Variants in STXBP5L observed in about 807,000 individuals in gnomAD.
STXBP5L encodes the protein syntaxin binding protein 5L, also known as syntaxin-binding protein 5-like.
STXBP5L carries 65 observed loss-of-function variants against 144.5 expected under a neutral mutation model. The observed-to-expected ratio is 0.45, with a 90% CI of 0.37 to 0.55. The LOEUF (loss-of-function observed/expected upper bound fraction) is 0.55. Among genes scored for constraint, STXBP5L ranks in the 20% least tolerant of loss-of-function variants. The pLI, the probability that STXBP5L is intolerant of heterozygous loss-of-function variation, is 0.00. For synonymous variants in STXBP5L, 505 were observed against 469.6 expected (o/e 1.08, Z -0.97); for missense variants, 1,298 against 1,405.5 (o/e 0.92, Z 1.22).
At chr3:120,943,520 A>G (rs1710677177) in intron 2 of STXBP5L, among the ~76,000 whole-genome samples, 1 of 151,784 alleles carries the variant, frequency 6.6e-6, no homozygotes, top group South Asian at 2.1e-4. Context: ...TAGTATCTAT[A>G]CTTACATTTG....
Position 121,257,313 on chromosome 3 carries a change from G to A in STXBP5L, c.1812G>A (p.Lys604=), listed in dbSNP as rs1302949321. ...TNTVASEGVT[K]DSIPCLNVKT... ...CTGTTGCTAGTGAAGGAGTAACAAA[G>A]GACAGTATTCCATGCCTCAAGTAAG... The change falls in exon 17 of 27, where the codon AAG becomes AAA. Residue 604 remains lysine, a synonymous_variant. Transcript: ENST00000471454. The A allele has an allele frequency of 1.9e-6, 3 of 1,612,180 alleles. No individual in the cohort carries two copies. Among genetic ancestry groups the A allele is most frequent in the Admixed American group, 1.7e-5 (1 of 59,864 alleles).
At chr3:120,998,598 G>T (rs1943536559) in intron 3 of STXBP5L, among the ~76,000 whole-genome samples, 1 of 151,904 alleles carries the variant, frequency 6.6e-6, no homozygotes, top group Non-Finnish European at 1.5e-5. Flanking sequence ...TGTTCTTATT[G>T]TTCAACTCCT....
chr3:121,401,168 G>C (rs2046864278), intron 22 of STXBP5L, among the ~76,000 whole-genome samples: 1 of 152,130 alleles, frequency 6.6e-6, no homozygotes, highest in East Asian at 1.9e-4. Context: ...GGCAGTATAT[G>C]CATTGCTCTG....
intron 3 of STXBP5L, among the ~76,000 whole-genome samples, chr3:121,029,533 A>C (rs1325756119): frequency 6.6e-6 from 1 of 152,206 alleles, no homozygotes; most frequent in African/African-American, 2.4e-5. Flanking sequence ...AATTAATGCA[A>C]GATGGATTAA....
chr3:121,307,851 A>G (rs2043391287), intron 19 of STXBP5L, among the ~76,000 whole-genome samples: 1 of 152,216 alleles, frequency 6.6e-6, no homozygotes, highest in Non-Finnish European at 1.5e-5. Context: ...AGATAAATGG[A>G]AAAATATCTA....
chr3:121,064,854 A>G (rs2041467852), intron 5 of STXBP5L, among the ~76,000 whole-genome samples: 1 of 152,170 alleles, frequency 6.6e-6, no homozygotes, highest in African/African-American at 2.4e-5. Context: ...TGGTGAGCAT[A>G]GTACCAAATA....
At chr3:121,049,977 T>G (rs1947835435) in intron 5 of STXBP5L, among the ~76,000 whole-genome samples, 1 of 152,144 alleles carries the variant, frequency 6.6e-6, no homozygotes, top group East Asian at 1.9e-4. Flanking sequence ...GACAGAAGTG[T>G]GAATCCCTGG....
intron 24 of STXBP5L, among the ~76,000 whole-genome samples, chr3:121,414,970 T>C (rs892654404): frequency 6.6e-6 from 1 of 152,178 alleles, no homozygotes; most frequent in African/African-American, 2.4e-5. Flanking sequence ...GAATTAGTCA[T>C]TTCTCGGTTT....
chr3:120,998,152 A>T (rs1379364222), intron 3 of STXBP5L, among the ~76,000 whole-genome samples: 1 of 152,180 alleles, frequency 6.6e-6, no homozygotes. Context: ...AGCTGTAATT[A>T]TTCCCCTTGA....
At chr3:120,969,593 G>T (rs1349956507) in intron 3 of STXBP5L, among the ~76,000 whole-genome samples, 1 of 151,678 alleles carries the variant, frequency 6.6e-6, no homozygotes. Flanking sequence ...TTTGCTTTTG[G>T]AGTCTTAGGC....
At chr3:121,070,150 T>G (rs1452178197) in intron 5 of STXBP5L, among the ~76,000 whole-genome samples, 3 of 152,268 alleles carry the variant, frequency 2.0e-5, no homozygotes, top group African/African-American at 7.2e-5. Flanking sequence ...TCCAGAATTC[T>G]GAGCCCTGAA....
At chr3:121,060,846 A>G (rs1022914421) in intron 5 of STXBP5L, among the ~76,000 whole-genome samples, 2 of 151,958 alleles carry the variant, frequency 1.3e-5, no homozygotes, top group Non-Finnish European at 2.9e-5. Flanking sequence ...TACTGCATCT[A>G]TTTGATTCTT....
At chr3:121,076,394 G>GT (rs1560096712) in intron 5 of STXBP5L, among the ~76,000 whole-genome samples, 2 of 152,094 alleles carry the variant, frequency 1.3e-5, no homozygotes, top group East Asian at 1.9e-4. Context: ...CTGTAAGATG[G>GT]TTTTTTTCTG....
chr3:120,933,568 GAC>G (rs1193768966), intron 2 of STXBP5L, among the ~76,000 whole-genome samples: 2 of 152,136 alleles, frequency 1.3e-5, no homozygotes, highest in African/African-American at 4.8e-5. Context: ...AAGATAGCCA[GAC>G]TGTTGAATTA....
chr3:121,257,326 T>C lies in STXBP5L; in HGVS notation c.1825T>C (p.Cys609Arg). 2 of 1,607,398 alleles carry C rather than the reference T, an allele frequency of 1.2e-6. No individual in the cohort carries two copies. The highest frequency in any genetic ancestry group is 1.7e-6 in the Non-Finnish European group (2 of 1,176,696). Reference protein sequence around the residue: ...SEGVTKDSIPCLNVKTRPVRM... With the variant: ...SEGVTKDSIPRLNVKTRPVRM... Reference sequence around the variant, plus strand: ...AGGAGTAACAAAGGACAGTATTCCATGCCTCAAGTAAGAGTTTCTACCAAA... The same window carrying C: ...AGGAGTAACAAAGGACAGTATTCCACGCCTCAAGTAAGAGTTTCTACCAAA... The change falls in exon 17 of 27, where the codon TGC becomes CGC. Residue 609 changes from cysteine (C) to arginine (R), a missense_variant. Transcript: ENST00000471454.
At chr3:120,979,954 T>A (rs185534746) in intron 3 of STXBP5L, among the ~76,000 whole-genome samples, 1 of 152,350 alleles carries the variant, frequency 6.6e-6, no homozygotes, top group East Asian at 1.9e-4. Context: ...AAAATTTAAA[T>A]TCCTAGCCTA....
intron 5 of STXBP5L, among the ~76,000 whole-genome samples, chr3:121,058,383 C>T (rs1948600268): frequency 6.6e-6 from 1 of 152,156 alleles, no homozygotes; most frequent in African/African-American, 2.4e-5. Flanking sequence ...CACTGATGGG[C>T]ATTTGGGTTG....
At chr3:121,210,093 C>T (rs1290979256) in intron 10 of STXBP5L, among the ~76,000 whole-genome samples, 8 of 152,070 alleles carry the variant, frequency 5.3e-5, no homozygotes, top group Non-Finnish European at 2.9e-5. Context: ...TCTCCAGCAC[C>T]TGTTGTTTCC....
intron 2 of STXBP5L, among the ~76,000 whole-genome samples, chr3:120,942,069 AT>A (rs1007903292): frequency 6.6e-6 from 1 of 151,694 alleles, no homozygotes; most frequent in Non-Finnish European, 1.5e-5. Context: ...ATAGGTGAAT[AT>A]TTTATTTGTG....
Sources: allele counts gnomAD v4.1 joint callset (sites outside exome capture counted in the v4.1 genomes callset), GRCh38; gene constraint gnomAD v4.1.1; transcripts MANE v1.5; gene names NCBI Gene and HGNC (gene_info 2026-07-23, HGNC 2026-07-21).